Variants in PRDM16 observed in about 807,000 individuals in gnomAD.
PRDM16 encodes the protein histone-lysine N-methyltransferase PRDM16.
In PRDM16, 23 loss-of-function variants were observed where a neutral mutation model predicts 110.6. The ratio of observed to expected loss-of-function variants is 0.21; its 90% confidence interval spans 0.15 to 0.29. The LOEUF (loss-of-function observed/expected upper bound fraction) is 0.29. PRDM16 is among the 10% of genes least tolerant of loss of function. The probability of loss-of-function intolerance (pLI) is 1.00; values close to 1 mark genes in which losing one functional copy is unlikely to be tolerated. For missense variants in PRDM16, 1,615 were observed against 1,794.3 expected (o/e 0.90, Z 1.81); for synonymous variants, 799 against 781.8 (o/e 1.02, Z -0.37).
chr1:3,286,267 A>G (rs1249319225), intron 3 of PRDM16, among the ~76,000 whole-genome samples: 1 of 152,222 alleles, frequency 6.6e-6, no homozygotes, highest in African/African-American at 2.4e-5. Flanking sequence ...AATGGGAAGC[A>G]CGTGTTGATA....
intron 1 of PRDM16, among the ~76,000 whole-genome samples, chr1:3,139,535 G>A (rs1398112870): frequency 2.0e-5 from 3 of 152,252 alleles, no homozygotes; most frequent in Admixed American, 1.3e-4. Context: ...CAGCAGTGCC[G>A]CATCCGGGGG....
chr1:3,215,107 G>A (rs183598026), intron 2 of PRDM16, among the ~76,000 whole-genome samples: 1 of 152,260 alleles, frequency 6.6e-6, no homozygotes, highest in East Asian at 1.9e-4. Context: ...CTTCCCCATC[G>A]CTGCTGTTGG....
rs1369759763 is a variant in PRDM16 at position 3,157,663 on chromosome 1, A to C, written c.38-28462A>C. The stretch of plus-strand genomic sequence containing the variant: ...TGGTGGGGCCTGAACAGACTTCCCC[A>C]GAAAGTTCCCAGATTCGCACCTGCT... On this transcript the variant is annotated intron_variant, in intron 1 of 16. Transcript: ENST00000270722. This position sits in a 1 kb window ranked among gnomAD's most constrained non-coding sequence, Gnocchi z 4.8. Among the ~76,000 whole-genome samples, 1 of 152,170 alleles carries C rather than the reference A, an allele frequency of 6.6e-6. No individual in the cohort carries two copies. Among genetic ancestry groups the C allele is most frequent in the Non-Finnish European group, 1.5e-5 (1 of 68,044 alleles).
At chr1:3,349,885 G>A (rs561747782) in intron 3 of PRDM16, among the ~76,000 whole-genome samples, 4 of 152,208 alleles carry the variant, frequency 2.6e-5, no homozygotes, top group African/African-American at 7.2e-5. Context: ...CCGGGGCTGG[G>A]CTTGCTCAGG....
chr1:3,264,594 G>A (rs1298702561), intron 3 of PRDM16, among the ~76,000 whole-genome samples: 2 of 146,088 alleles, frequency 1.4e-5, no homozygotes, highest in African/African-American at 2.5e-5. Flanking sequence ...CAGGAGGAGC[G>A]GAAAGGGGAG....
At chr1:3,336,522 A>G (rs112103849) in intron 3 of PRDM16, among the ~76,000 whole-genome samples, 4 of 150,024 alleles carry the variant, frequency 2.7e-5, no homozygotes, top group Non-Finnish European at 5.9e-5. Context: ...ATGCACTTGT[A>G]TGTTGGTGTG....
rs543227247 is a variant in PRDM16 at position 3,075,853 on chromosome 1, C to T, written c.37+6557C>T. On this transcript the variant is annotated intron_variant, in intron 1 of 16. Coordinates refer to ENST00000270722, the MANE Select transcript of PRDM16 (RefSeq NM_022114.4). ...TCGTCAGGCGGAGCAGTGGGTGCGG[C>T]GACAGGCTCATCTGCGATCCACCTC... Among the ~76,000 whole-genome samples the T allele has an allele frequency of 8.5e-5, 13 of 152,304 alleles. No homozygotes were observed. The East Asian group carries it at 1.4e-3, about 16-fold the overall frequency.
chr1:3,181,822 G>GCA, intron 1 of PRDM16, among the ~76,000 whole-genome samples: 1 of 66,534 alleles, frequency 1.5e-5, no homozygotes, highest in Non-Finnish European at 3.2e-5. Flanking sequence ...TTACACATGC[G>GCA]GTCTTACACA....
chr1:3,116,538 C>G (rs905099726), intron 1 of PRDM16, among the ~76,000 whole-genome samples: 1 of 152,162 alleles, frequency 6.6e-6, no homozygotes, highest in Non-Finnish European at 1.5e-5. Context: ...GCCTGCTTGT[C>G]TTTCCCCGGC....
At chr1:3,260,249 G>T (rs927825757) in intron 3 of PRDM16, among the ~76,000 whole-genome samples, 1 of 152,214 alleles carries the variant, frequency 6.6e-6, no homozygotes, top group African/African-American at 2.4e-5. Flanking sequence ...AGCTCCACAG[G>T]CCTTTGGGGT....
rs761510450 is a variant in PRDM16 at position 3,412,156 on chromosome 1, G to C, written c.1959G>C (p.Leu653Phe). The C allele has an allele frequency of 2.6e-6, 4 of 1,562,140 alleles. No individual in the cohort carries two copies. The Admixed American group carries it at 5.7e-5, about 22-fold the overall frequency. ...AEGQPKFGGGLAPPGAPNSVA... is the reference protein window; with the variant it reads ...AEGQPKFGGGFAPPGAPNSVA... ...GCCAGCCCAAGTTTGGGGGCGGCTT[G>C]GCGCCCCCGGGGGCCCCGAACAGCG... Residue 653 changes from leucine (L) to phenylalanine (F), a missense_variant, in exon 9 of 17, where the codon TTG (leucine) becomes TTC (phenylalanine). Physicochemically the swap from Leu to Phe is conservative, Grantham distance 22. Transcript: ENST00000270722.
intron 3 of PRDM16, among the ~76,000 whole-genome samples, chr1:3,286,651 C>A (rs563831744): frequency 0.018 from 2,744 of 152,126 alleles, 83 homozygotes; most frequent in African/African-American, 0.062. Flanking sequence ...GGGGGTTCAG[C>A]CTTCTGCACC....
At position 3,080,049 on chromosome 1, in the gene PRDM16, A is replaced by G. The variant is rs1320377235; in HGVS notation, c.37+10753A>G. Reference sequence around the variant, plus strand: ...GTGGGAGAAGAGACTGGAAAAGTTCAAAGGTGGAGAGGCGGCAGCGATCTG... The same window carrying G: ...GTGGGAGAAGAGACTGGAAAAGTTCGAAGGTGGAGAGGCGGCAGCGATCTG... On this transcript the variant is annotated intron_variant, in intron 1 of 16. Coordinates refer to ENST00000270722, the MANE Select transcript of PRDM16 (RefSeq NM_022114.4). This position sits in a 1 kb window ranked among gnomAD's most constrained non-coding sequence, Gnocchi z 5.2. Among the ~76,000 whole-genome samples the G allele has an allele frequency of 1.3e-5, 2 of 152,218 alleles. No homozygotes were observed. The highest frequency in any genetic ancestry group is 2.4e-5 in the African/African-American group (1 of 41,464).
In PRDM16 at chr1:3,373,449, G is replaced by A. The variant is rs115899800; in HGVS notation, c.439-11703G>A. On this transcript the variant is annotated intron_variant, in intron 3 of 16. Transcript: ENST00000270722. ...GGGGTTCGGGGGGAAGTCCCAGGCCGTCGTTGCAGACGTTTCTCAGCAGGT... is the reference window on the plus strand; with the variant it reads ...GGGGTTCGGGGGGAAGTCCCAGGCCATCGTTGCAGACGTTTCTCAGCAGGT... 4.3e-3 allele frequency among the ~76,000 whole-genome samples: 653 copies of A among 152,342 alleles called. 4 individuals carry two copies. The highest frequency in any genetic ancestry group is 0.01 in the Admixed American group (160 of 15,310).
intron 3 of PRDM16, among the ~76,000 whole-genome samples, chr1:3,360,756 G>A (rs1055339877): frequency 3.9e-5 from 6 of 152,188 alleles, no homozygotes; most frequent in South Asian, 2.1e-4. Flanking sequence ...CCAACTGACC[G>A]AGTGCTGTGG....
chr1:3,372,404 C>A (rs898886393), intron 3 of PRDM16, among the ~76,000 whole-genome samples: 1 of 152,234 alleles, frequency 6.6e-6, no homozygotes, highest in Non-Finnish European at 1.5e-5. Context: ...GCCACGTTTA[C>A]AAGCTCTGCA....
intron 3 of PRDM16, among the ~76,000 whole-genome samples, chr1:3,384,665 T>A (rs1181251474): frequency 6.6e-6 from 1 of 152,246 alleles, no homozygotes; most frequent in Non-Finnish European, 1.5e-5. Flanking sequence ...CAGATGCTTT[T>A]CTTGCTCTCA....
At chr1:3,272,954 C>T (rs1009503333) in intron 3 of PRDM16, among the ~76,000 whole-genome samples, 2 of 152,232 alleles carry the variant, frequency 1.3e-5, no homozygotes, top group Non-Finnish European at 2.9e-5. Context: ...GTGTCTGCCA[C>T]ATGGTGGGGA....
chr1:3,242,181 C>A (rs557976288), intron 2 of PRDM16, among the ~76,000 whole-genome samples: 1 of 151,986 alleles, frequency 6.6e-6, no homozygotes, highest in Non-Finnish European at 1.5e-5. Context: ...CAGGACAGGG[C>A]GGGGAGGGCA....
Sources: gnomAD v4.1 joint callset for allele counts (sites outside exome capture counted in the v4.1 genomes callset) on GRCh38, gnomAD v4.1.1 for gene constraint, Gnocchi (gnomAD v3.1) non-coding constraint, MANE v1.5 for transcripts, NCBI Gene and HGNC (gene_info 2026-07-23, HGNC 2026-07-21) for gene names.